Variants in CDC25B observed in about 807,000 individuals in gnomAD.
CDC25B encodes the protein cell division cycle 25B.
Under a neutral mutation model 69.8 loss-of-function variants are expected in CDC25B, and 33 were observed. The observed-to-expected ratio is 0.47, with a 90% confidence interval of 0.36 to 0.63. The LOEUF (loss-of-function observed/expected upper bound fraction) is 0.63, where lower values mean the gene tolerates loss of function less well. Ranked by LOEUF, CDC25B falls within the 30% of genes least tolerant of loss-of-function variation. CDC25B has a pLI of 0.00. For missense variants in CDC25B, 727 were observed against 809.1 expected, an observed-to-expected ratio of 0.90 and a Z score of 1.23; for synonymous variants, 341 against 314.6, an observed-to-expected ratio of 1.08 and a Z score of -0.89.
chr20:3,805,230 C>T lies in CDC25B; in HGVS notation c.*269C>T, dbSNP rs1020255729. 2 of 488,818 alleles carry T rather than the reference C, an allele frequency of 4.1e-6. No homozygotes were observed. The highest frequency in any genetic ancestry group is 6.7e-5 in the Admixed American group (2 of 30,068). The allele number at this position is 488,818 out of a possible 1,614,324, so 30.3% of individuals were successfully genotyped here. ...CCAGCTTAAAGGCAGTATTTTGTGTCCTCCAGGAGCTTCTTGTTTCCTTGT... is the reference window on the plus strand; with the variant it reads ...CCAGCTTAAAGGCAGTATTTTGTGTTCTCCAGGAGCTTCTTGTTTCCTTGT... On this transcript the variant is annotated 3_prime_UTR_variant, in exon 16 of 16. Transcript: ENST00000245960.
chr20:3,796,352 C>G lies in CDC25B; in HGVS notation c.-180C>G, dbSNP rs1240151390. The G allele has an allele frequency of 7.7e-7, 1 of 1,293,396 alleles. No homozygotes were observed. Among genetic ancestry groups the G allele is most frequent in the African/African-American group, 1.6e-5 (1 of 63,012 alleles). The allele number at this position is 1,293,396 out of a possible 1,614,324, so 80.1% of individuals were successfully genotyped here. Reference sequence around the variant, plus strand: ...GTGCCTGAGCCCGGCGTCCCTCGCCCCCCGCCCTCCCCGCATCCCTCTCCT... The same window carrying G: ...GTGCCTGAGCCCGGCGTCCCTCGCCGCCCGCCCTCCCCGCATCCCTCTCCT... On this transcript the variant is annotated 5_prime_UTR_variant, in exon 1 of 16. Coordinates refer to ENST00000245960, the MANE Select transcript of CDC25B (RefSeq NM_021873.4).
chr20:3,796,630 G>C lies in CDC25B; in HGVS notation c.99G>C (p.Leu33=), dbSNP rs1223839706. 6.8e-7 allele frequency: 1 copy of C among 1,462,364 alleles called. No homozygotes were observed. Among genetic ancestry groups the C allele is most frequent in the Admixed American group, 2.5e-5 (1 of 39,634 alleles). The allele number at this position is 1,462,364 out of a possible 1,614,324, so 90.6% of individuals were successfully genotyped here. A position where few individuals can be genotyped will look rare whatever the true frequency, so the allele number is the denominator to read the frequency against. ...GTCCGGGCCACCTCCCGGGCCTCCT[G>C]CTGGGATCTCATGGCCTCCTGGGGT... is the stretch of plus-strand genomic sequence containing the variant. The part of the protein sequence containing the change: ...AQRPGHLPGL[L]LGSHGLLGSP... The change falls in exon 1 of 16, where the codon CTG becomes CTC. Residue 33 remains leucine, a synonymous_variant. Coordinates refer to ENST00000245960, the MANE Select transcript of CDC25B (RefSeq NM_021873.4).
Position 3,800,509 on chromosome 20 carries a change from TC to T in CDC25B, c.459+12del. 1 of 1,614,056 alleles carries T rather than the reference TC, an allele frequency of 6.2e-7. No individual in the cohort carries two copies. Among genetic ancestry groups the T allele is most frequent in the Non-Finnish European group, 8.5e-7 (1 of 1,179,946 alleles). ...TTCCAGTCTATGCCGGTGAGTGTCT[TC>T]GAGGCCTGACTGAGGCTTAGGCATG... On this transcript the variant is annotated intron_variant, in intron 5 of 15. Transcript: ENST00000245960.
chr20:3,803,551 C>A lies in CDC25B; in HGVS notation c.1490+14C>A. 2 of 1,613,846 alleles carry A rather than the reference C, an allele frequency of 1.2e-6. No individual in the cohort carries two copies. Among genetic ancestry groups the A allele is most frequent in the Non-Finnish European group, 1.7e-6 (2 of 1,179,978 alleles). On this transcript the variant is annotated intron_variant, in intron 14 of 15. Transcript: ENST00000245960. The surrounding 1 kb of genome is among the most constrained non-coding windows in gnomAD (Gnocchi z 4.9). ...TGGGCCCCGCATGTGAGTCCCAGCT[C>A]CGCCCAGCCAGCTAGTGTCTGCCCT...
At position 3,788,662 on chromosome 20, in the gene CDC25B, C is replaced by A. The variant is rs558892190; in HGVS notation, c.8+1523C>A. Among the ~76,000 whole-genome samples the A allele has an allele frequency of 5.9e-5, 9 of 152,280 alleles. No individual in the cohort carries two copies. The South Asian group carries it at 1.9e-3, about 32-fold the overall frequency. ...CCAAGAGGAGTGTGTGGTCACTGGGCAAAAATGAATCTAAGATTACCTGGA... is the reference window on the plus strand; with the variant it reads ...CCAAGAGGAGTGTGTGGTCACTGGGAAAAAATGAATCTAAGATTACCTGGA... On this transcript the variant is annotated intron_variant, in intron 1 of 15. Transcript: ENST00000344256.
At chr20:3,789,677 T>TAATAATA (rs113457249) in intron 1 of CDC25B, among the ~76,000 whole-genome samples, 95,139 of 150,132 alleles carry the variant, frequency 0.63, 31,478 homozygotes, top group African/African-American at 0.84. Flanking sequence ...GGCCAAAAAA[T>TAATAATA]AATAATAAAT....
At chr20:3,795,473 G>A (rs967796129), upstream of CDC25B, among the ~76,000 whole-genome samples, 1 of 152,216 alleles carries the variant, frequency 6.6e-6, no homozygotes, top group Non-Finnish European at 1.5e-5. Context: ...TAAATAATAT[G>A]GTGCCATTGG....
rs764689022 is a variant in CDC25B, at chr20:3,804,778, AC to A, written c.1603-42del. The A allele has an allele frequency of 1.2e-5, 20 of 1,610,606 alleles. No individual in the cohort carries two copies. In the Admixed American group the frequency reaches 3.3e-4, roughly 27 times the overall value. ...GGTGGGAGGGTTGGGTCCCTGCCAA[AC>A]TTACCCATTCCACTGCATTGACCCC... On this transcript the variant is annotated intron_variant, in intron 15 of 15. Transcript: ENST00000245960.
intron 3 of CDC25B, 67 bp downstream of exon 3, chr20:3,798,530 C>T: frequency 7.7e-7 from 1 of 1,296,274 alleles, no homozygotes; most frequent in East Asian, 2.5e-5. Context: ...CTAGTTCTAC[C>T]ATAAATTCAC....
Position 3,800,463 on chromosome 20 carries a change from G to C in CDC25B, c.424G>C (p.Glu142Gln). 6.2e-7 allele frequency: 1 copy of C among 1,614,144 alleles called. No individual in the cohort carries two copies. Among genetic ancestry groups the C allele is most frequent in the Non-Finnish European group, 8.5e-7 (1 of 1,180,018 alleles). Residue 142 changes from glutamate to glutamine, a missense_variant and splice_region_variant, in exon 5 of 16, where the codon GAG (glutamate) becomes CAG (glutamine). Physicochemically the swap from Glu to Gln is conservative, Grantham distance 29. Coordinates refer to ENST00000245960, the MANE Select transcript of CDC25B (RefSeq NM_021873.4). Reference protein sequence around the residue: ...IQAASRIIRNEQFAIRRFQSM... With the variant: ...IQAASRIIRNQQFAIRRFQSM... ...ACCTGTCCCCATTTCCTCCTGTAGC[G>C]AGCAGTTTGCCATCAGACGCTTCCA...
chr20:3,803,581 T>G lies in CDC25B; in HGVS notation c.1490+44T>G, dbSNP rs2089368593. ...CAGCCAGCTAGTGTCTGCCCTGGCC[T>G]TCCCTGCCCAGGCTCACAGGTGCTG... is the stretch of plus-strand genomic sequence containing the variant. On this transcript the variant is annotated intron_variant, in intron 14 of 15. Transcript: ENST00000245960. This position sits in a 1 kb window ranked among gnomAD's most constrained non-coding sequence, Gnocchi z 4.9. The G allele has an allele frequency of 6.2e-7, 1 of 1,611,514 alleles. No individual in the cohort carries two copies. Among genetic ancestry groups the G allele is most frequent in the Non-Finnish European group, 8.5e-7 (1 of 1,179,234 alleles).
At position 3,800,279 on chromosome 20, in the gene CDC25B, C is replaced by G. The variant is rs1200516170; in HGVS notation, c.381-9C>G. 17 of 1,613,774 alleles carry G rather than the reference C, an allele frequency of 1.1e-5. No homozygotes were observed. The highest frequency in any genetic ancestry group is 1.6e-4 in the Middle Eastern group (1 of 6,084). ...AGCATGGGTTGCATGGGACCCTTCT[C>G]TGTCCTAGGTTTGAACAGGCCATCC... On this transcript the variant is annotated splice_polypyrimidine_tract_variant and intron_variant, in intron 3 of 15. Transcript: ENST00000245960.
In CDC25B at chr20:3,796,376, C is replaced by A; in HGVS notation, c.-156C>A. ...CCCCCGCCCTCCCCGCATCCCTCTC[C>A]TCCCTCGCGCCTGGCCCTGTGGCTC... On this transcript the variant is annotated 5_prime_UTR_variant, in exon 1 of 16. Coordinates refer to ENST00000245960, the MANE Select transcript of CDC25B (RefSeq NM_021873.4). 7.8e-7 allele frequency: 1 copy of A among 1,277,816 alleles called. No individual in the cohort carries two copies. Among genetic ancestry groups the A allele is most frequent in the Non-Finnish European group, 9.9e-7 (1 of 1,008,104 alleles). 79.2% of individuals were successfully genotyped at this position (1,277,816 alleles called of 1,614,324 possible).
At chr20:3,789,416 C>T (rs1023299604) in intron 1 of CDC25B, among the ~76,000 whole-genome samples, 1 of 152,054 alleles carries the variant, frequency 6.6e-6, no homozygotes, top group Non-Finnish European at 1.5e-5. Context: ...GTTGCCCAGG[C>T]TGGGAGTGCA....
chr20:3,800,696 G>T, intron 5 of CDC25B, 47 bp from the exon 6 acceptor site: 1 of 1,602,010 alleles, frequency 6.2e-7, no homozygotes, highest in Non-Finnish European at 8.5e-7. Context: ...CGTGCCGGAG[G>T]AATGCAGCCT....
intron 1 of CDC25B, among the ~76,000 whole-genome samples, chr20:3,788,317 T>G (rs1186421149): frequency 6.6e-6 from 1 of 152,226 alleles, no homozygotes. Context: ...TTGAATCCTG[T>G]GAATTTTCTA....
At chr20:3,787,391 TAA>T (rs1160058358) in intron 1 of CDC25B, among the ~76,000 whole-genome samples, 9 of 152,172 alleles carry the variant, frequency 5.9e-5, no homozygotes, top group African/African-American at 1.9e-4. Context: ...GTTACACACT[TAA>T]GTTATTTTTA....
At position 3,804,907 on chromosome 20, in the gene CDC25B, C is replaced by A; in HGVS notation, c.1689C>A (p.Ser563Arg). 9 of 1,614,070 alleles carry A rather than the reference C, an allele frequency of 5.6e-6. No individual in the cohort carries two copies. Among genetic ancestry groups the A allele is most frequent in the Non-Finnish European group, 7.6e-6 (9 of 1,180,036 alleles). The change falls in exon 16 of 16, where the codon AGC (serine) becomes AGA (arginine). Residue 563 changes from serine to arginine, a missense_variant. Coordinates refer to ENST00000245960, the MANE Select transcript of CDC25B (RefSeq NM_021873.4). ...AGACCTTCCGCCTCAAGACTCGCAG[C>A]TGGGCTGGGGAGCGGAGCCGGCGGG... ...ELKTFRLKTR[S>R]WAGERSRREL...
rs2089446149 is a variant in CDC25B at position 3,805,483 on chromosome 20, T to C, written c.*522T>C. On this transcript the variant is annotated 3_prime_UTR_variant, in exon 16 of 16. Coordinates refer to ENST00000245960, the MANE Select transcript of CDC25B (RefSeq NM_021873.4). The stretch of plus-strand genomic sequence containing the variant: ...CCCCTTTCTCTTTTCCCCTTTCCTG[T>C]CCCACCATACGAGCACCTCCAGCCT... 1 of 309,558 alleles carries C rather than the reference T, an allele frequency of 3.2e-6. No homozygotes were observed. The highest frequency in any genetic ancestry group is 4.7e-5 in the Admixed American group (1 of 21,490). 19.2% of individuals were successfully genotyped at this position (309,558 alleles called of 1,614,324 possible).
Sources: allele counts gnomAD v4.1 joint callset (sites outside exome capture counted in the v4.1 genomes callset), GRCh38; gene constraint gnomAD v4.1.1; non-coding constraint Gnocchi (gnomAD v3.1); transcripts MANE v1.5; gene names NCBI Gene and HGNC (gene_info 2026-07-23, HGNC 2026-07-21).